The following SYT1 variants were observed in gnomAD, a reference collection of about 807,000 sequenced individuals.
SYT1 encodes the protein synaptotagmin-1.
In SYT1, 8 loss-of-function variants were observed where a neutral mutation model predicts 44.8. The ratio of observed to expected loss-of-function variants is 0.18; its 90% CI spans 0.10 to 0.32. SYT1 has a LOEUF of 0.32. Among genes scored for constraint, SYT1 ranks in the 10% least tolerant of loss-of-function variants. SYT1 has a pLI of 1.00. For synonymous variants in SYT1, 154 were observed against 188.8 expected (o/e 0.82, Z 1.51); for missense variants, 286 against 509.3 (o/e 0.56, Z 4.22).
intron 2 of SYT1, among the ~76,000 whole-genome samples, chr12:78,979,664 GTTGT>G (rs1398321341): frequency 3.3e-5 from 5 of 151,846 alleles, no homozygotes; most frequent in African/African-American, 7.3e-5. Flanking sequence ...AGCATTCTAG[GTTGT>G]TTATTTCACC....
At position 78,885,352 on chromosome 12, in the gene SYT1, G is replaced by A. The variant is rs199922315; in HGVS notation, c.-217+20243G>A. ...GGAGGGAAGGAAGAAAGGAAGGAAG[G>A]AACGAAGGAAGGAAGGAAGGGAGGG... is the stretch of plus-strand genomic sequence containing the variant. On this transcript the variant is annotated intron_variant, in intron 1 of 10. Coordinates refer to ENST00000261205, the MANE Select transcript of SYT1 (RefSeq NM_005639.3). Among the ~76,000 whole-genome samples, 67 of 70,394 alleles carry A rather than the reference G, an allele frequency of 9.5e-4. 1 individual carries two copies. The highest frequency in any genetic ancestry group is 3.7e-3 in the East Asian group (7 of 1,896). 46.2% of individuals were successfully genotyped at this position (70,394 alleles called of 152,430 possible). A position where few individuals can be genotyped will look rare whatever the true frequency, so the allele number is the denominator to read the frequency against.
chr12:79,063,651 G>A (rs1875549232), intron 3 of SYT1, among the ~76,000 whole-genome samples: 1 of 152,112 alleles, frequency 6.6e-6, no homozygotes, highest in South Asian at 2.1e-4. Context: ...CTTATCACCA[G>A]TATTTCCAAA....
chr12:79,437,448 A>G (rs1389275968), intron 9 of SYT1, among the ~76,000 whole-genome samples: 1 of 152,190 alleles, frequency 6.6e-6, no homozygotes, highest in East Asian at 1.9e-4. Flanking sequence ...ACGAGGTTGG[A>G]ATCATGGCAC....
At chr12:79,078,108 T>C (rs1389220457) in intron 3 of SYT1, among the ~76,000 whole-genome samples, 1 of 152,200 alleles carries the variant, frequency 6.6e-6, no homozygotes, top group Non-Finnish European at 1.5e-5. Context: ...ACTAGAACTA[T>C]AAAATTAAGG....
At chr12:79,248,805 A>T (rs901695797) in intron 4 of SYT1, among the ~76,000 whole-genome samples, 1 of 152,234 alleles carries the variant, frequency 6.6e-6, no homozygotes, top group African/African-American at 2.4e-5. Flanking sequence ...TCTAATTGAG[A>T]GTTAGCCCTG....
chr12:79,432,696 C>T (rs1869869557), intron 9 of SYT1, among the ~76,000 whole-genome samples: 1 of 152,168 alleles, frequency 6.6e-6, no homozygotes. Flanking sequence ...TCACTGCAAC[C>T]TCCACCTCCC....
chr12:79,278,438 C>A (rs1212859230), intron 4 of SYT1, among the ~76,000 whole-genome samples: 1 of 151,906 alleles, frequency 6.6e-6, no homozygotes, highest in African/African-American at 2.4e-5. Context: ...GAAATTAAGA[C>A]AGAAATTTTT....
chr12:79,433,432 A>G (rs1461609459), intron 9 of SYT1, among the ~76,000 whole-genome samples: 3 of 152,214 alleles, frequency 2.0e-5, no homozygotes, highest in East Asian at 1.9e-4. Flanking sequence ...CCTAGCAGCA[A>G]TGTTACCAAG....
intron 1 of SYT1, among the ~76,000 whole-genome samples, chr12:78,902,611 C>T (rs1322999189): frequency 2.0e-5 from 3 of 151,980 alleles, no homozygotes; most frequent in African/African-American, 7.2e-5. Flanking sequence ...ATATTTTTTC[C>T]AGGAGGTTTC....
chr12:79,217,665 A>C lies in SYT1; in HGVS notation c.146A>C (p.Asn49Thr). ...TCTAAGCTGAAGGAGAAGTTTATGAATGAGTTGCATAAAATTCCATGTGAG... is the reference window on the plus strand; with the variant it reads ...TCTAAGCTGAAGGAGAAGTTTATGACTGAGTTGCATAAAATTCCATGTGAG... ...AFSKLKEKFM[N>T]ELHKIPLPPW... The change falls in exon 4 of 11, where the codon AAT (asparagine) becomes ACT (threonine). Residue 49 changes from asparagine to threonine, a missense_variant. Asn to Thr is a moderately conservative substitution (Grantham distance 65, BLOSUM62 0). Around this residue, in one of 6 missense-constraint regions of SYT1, gnomAD observed 141 missense variants for 165.7 expected, o/e 0.85. Transcript: ENST00000261205. The C allele has an allele frequency of 6.2e-7, 1 of 1,612,710 alleles. No homozygotes were observed. The highest frequency in any genetic ancestry group is 8.5e-7 in the Non-Finnish European group (1 of 1,179,326).
chr12:78,921,282 A>G (rs1876984420), intron 1 of SYT1, among the ~76,000 whole-genome samples: 1 of 152,026 alleles, frequency 6.6e-6, no homozygotes, highest in African/African-American at 2.4e-5. Context: ...CTTTACGACT[A>G]TAACAGGTTA....
intron 3 of SYT1, among the ~76,000 whole-genome samples, chr12:79,062,882 A>G (rs1216560010): frequency 6.6e-6 from 1 of 152,130 alleles, no homozygotes; most frequent in Non-Finnish European, 1.5e-5. Flanking sequence ...TATCTATAAT[A>G]TTGACAACTC....
intron 9 of SYT1, among the ~76,000 whole-genome samples, chr12:79,426,675 C>T (rs1045708105): frequency 6.6e-6 from 1 of 152,060 alleles, no homozygotes; most frequent in African/African-American, 2.4e-5. Context: ...AATGATAAGC[C>T]AAGTGAAAAA....
chr12:78,993,005 C>T (rs1286477250), intron 2 of SYT1, among the ~76,000 whole-genome samples: 3 of 152,182 alleles, frequency 2.0e-5, no homozygotes, highest in African/African-American at 7.2e-5. Context: ...CAAACTTTTA[C>T]ACTTGCTCTT....
intron 9 of SYT1, among the ~76,000 whole-genome samples, chr12:79,387,534 G>T (rs79478452): frequency 0.011 from 1,615 of 152,274 alleles, 32 homozygotes; most frequent in African/African-American, 0.036. Context: ...TAAATGAGGT[G>T]TAGAACATTG....
chr12:78,965,227 G>T (rs984780711), intron 1 of SYT1, among the ~76,000 whole-genome samples: 2 of 152,002 alleles, frequency 1.3e-5, no homozygotes, highest in African/African-American at 2.4e-5. Context: ...TAAATAATAC[G>T]AATTAAATAT....
At chr12:79,203,966 C>T (rs1873947314) in intron 3 of SYT1, among the ~76,000 whole-genome samples, 1 of 152,208 alleles carries the variant, frequency 6.6e-6, no homozygotes, top group Non-Finnish European at 1.5e-5. Context: ...ATTGTAGACA[C>T]ACAGTTTATT....
chr12:78,935,279 T>G (rs1376947979), intron 1 of SYT1, among the ~76,000 whole-genome samples: 1 of 152,160 alleles, frequency 6.6e-6, no homozygotes, highest in Non-Finnish European at 1.5e-5. Flanking sequence ...GCTGTGAAGG[T>G]TCTGAGAGGT....
At chr12:79,261,931 CTTA>C (rs942667394) in intron 4 of SYT1, among the ~76,000 whole-genome samples, 29 of 151,794 alleles carry the variant, frequency 1.9e-4, no homozygotes, top group African/African-American at 7.0e-4. Context: ...ATTTTACTCT[CTTA>C]TTGTTAAATT....
Sources: allele counts gnomAD v4.1 joint callset (sites outside exome capture counted in the v4.1 genomes callset), GRCh38; gene constraint gnomAD v4.1.1; regional missense constraint gnomAD v4.1.1; transcripts MANE v1.5; gene names NCBI Gene and HGNC (gene_info 2026-07-23, HGNC 2026-07-21).